Variants in WNK2 observed in about 807,000 individuals in gnomAD.
WNK2 encodes the protein WNK lysine deficient protein kinase 2.
WNK2 carries 67 observed loss-of-function variants against 192.1 expected under a neutral mutation model. That is an observed-to-expected ratio of 0.35 (90% CI 0.29 to 0.43). The LOEUF is 0.43. Among genes scored for constraint, WNK2 ranks in the 20% least tolerant of loss-of-function variants. The pLI is 1.00. For missense variants in WNK2, 2,698 were observed against 3,089.7 expected (o/e 0.87, Z 3.01); for synonymous variants, 1,439 against 1,393.9 (o/e 1.03, Z -0.72).
intron 24 of WNK2, 72 bp downstream of exon 24, chr9:93,298,139 C>T (rs904923308): frequency 3.3e-5 from 49 of 1,499,934 alleles, no homozygotes; most frequent in South Asian, 1.3e-4. Context: ...GAGGTAGGCT[C>T]CGTGCAGGTG....
intron 8 of WNK2, among the ~76,000 whole-genome samples, chr9:93,250,201 C>T (rs541379073): frequency 6.6e-6 from 1 of 152,226 alleles, no homozygotes; most frequent in Non-Finnish European, 1.5e-5. Flanking sequence ...GGCACATCTA[C>T]ACATGCACAT....
In WNK2 at chr9:93,288,791, C is replaced by G; in HGVS notation, c.4037C>G (p.Ser1346Ter). Residue 1346 changes from serine (S) to a stop codon, truncating the protein, a stop_gained, in exon 20 of 30, where the codon TCA becomes TGA. Transcript: ENST00000427277. LOFTEE classifies it high-confidence loss of function. ...SSLPPEASQDSAPYKDQLSSK... is the reference protein window; with the variant it reads ...SSLPPEASQD ...GCATTTTCCCCATTTCTTCTAGATT[C>G]AGCGCCCTATAAAGACCAGCTGTCC... The G allele has an allele frequency of 6.2e-7, 1 of 1,609,220 alleles. No individual in the cohort carries two copies. The highest frequency in any genetic ancestry group is 8.5e-7 in the Non-Finnish European group (1 of 1,178,304).
intron 19 of WNK2, among the ~76,000 whole-genome samples, chr9:93,276,767 G>A (rs748982603): frequency 2.6e-5 from 4 of 152,214 alleles, no homozygotes; most frequent in Non-Finnish European, 5.9e-5. Context: ...GCTGAGTGCA[G>A]TGGCTCACAC....
intron 16 of WNK2, chr9:93,267,179 G>A (rs1307539153): frequency 6.5e-6 from 1 of 153,134 alleles, no homozygotes; most frequent in Non-Finnish European, 1.5e-5. Flanking sequence ...GCTTGCCTGT[G>A]TGCCCGGGCC....
At chr9:93,318,897 T>C in intron 29 of WNK2, 1 of 1,401,452 alleles carries the variant, frequency 7.1e-7, no homozygotes, top group Non-Finnish European at 9.2e-7. Flanking sequence ...TGCCCAGCTG[T>C]GAATTGTATA....
Position 93,292,604 on chromosome 9 carries a change from C to T in WNK2, c.5139C>T (p.Gly1713=). The change falls in exon 23 of 30, where the codon GGC becomes GGT. Residue 1713 remains glycine, a synonymous_variant. Transcript: ENST00000427277. The part of the protein sequence containing the change: ...PPPSDMGTVG[G]QASHPQTLGA... ...CGAGTGACATGGGCACAGTGGGGGG[C>T]CAGGCTAGCCACCCCCAGACACTCG... is the stretch of plus-strand genomic sequence containing the variant. The T allele has an allele frequency of 6.3e-7, 1 of 1,578,236 alleles. No homozygotes were observed. Among genetic ancestry groups the T allele is most frequent in the South Asian group, 1.2e-5 (1 of 86,892 alleles).
chr9:93,279,122 G>A (rs1292441187), intron 19 of WNK2, among the ~76,000 whole-genome samples: 1 of 152,104 alleles, frequency 6.6e-6, no homozygotes, highest in African/African-American at 2.4e-5. Context: ...GGAGCTTCTG[G>A]GCAGTTCATA....
At chr9:93,317,157 G>C in intron 28 of WNK2, 2 of 375,118 alleles carry the variant, frequency 5.3e-6, no homozygotes, top group Non-Finnish European at 9.9e-6. Flanking sequence ...TCCTGTGAGG[G>C]CACTGACCAG....
Position 93,185,625 on chromosome 9 carries a change from G to A in WNK2, c.681+15G>A. ...GTGAGCTGCAGGTGAGGGTGCCCCA[G>A]CCCGCAGGGGGCTTTCCGCAGGGTC... On this transcript the variant is annotated intron_variant, in intron 2 of 29. Coordinates refer to ENST00000427277, the MANE Select transcript of WNK2 (RefSeq NM_006648.4). The A allele has an allele frequency of 6.2e-7, 1 of 1,601,612 alleles. No homozygotes were observed. The highest frequency in any genetic ancestry group is 8.5e-7 in the Non-Finnish European group (1 of 1,174,360).
rs1346437228 is a variant in WNK2, at chr9:93,231,032, A to G, written c.999A>G (p.Gly333=). 2 of 1,613,728 alleles carry G rather than the reference A, an allele frequency of 1.2e-6. No homozygotes were observed. The highest frequency in any genetic ancestry group is 1.7e-6 in the Non-Finnish European group (2 of 1,179,844). The change falls in exon 4 of 30, where the codon GGA becomes GGG. Residue 333 remains glycine, a synonymous_variant. Coordinates refer to ENST00000427277, the MANE Select transcript of WNK2 (RefSeq NM_006648.4). ...AATGTGACAATATTTTCATCACCGG[A>G]CCAACTGGGTCTGTGAAGATTGGCG... ...DLKCDNIFIT[G]PTGSVKIGDL...
At chr9:93,211,679 TTCAC>T (rs1042177385) in intron 2 of WNK2, among the ~76,000 whole-genome samples, 107 of 150,380 alleles carry the variant, frequency 7.1e-4, no homozygotes, top group African/African-American at 2.5e-3. Context: ...TTCACTCCTA[TTCAC>T]TCACTCACTC....
rs1175769125 is a variant in WNK2, at chr9:93,267,834, G to C, written c.3785G>C (p.Ser1262Thr). ...DVMDKAEDML[S>T]EDTDADRGSD... ...ATGGACAAGGCAGAGGACATGCTCA[G>C]CGAGGACACAGACGCCGACCGTGGC... Residue 1262 changes from serine to threonine, a missense_variant, in exon 17 of 30, where the codon AGC becomes ACC. Ser to Thr is a moderately conservative substitution (Grantham distance 58, BLOSUM62 1). Around this residue, in one of 7 missense-constraint regions of WNK2, gnomAD observed 1,098 missense variants for 1,101.0 expected, o/e 1.00. Transcript: ENST00000427277. The C allele has an allele frequency of 1.9e-6, 3 of 1,612,704 alleles. No homozygotes were observed. The Admixed American group carries it at 5.0e-5, about 27-fold the overall frequency.
chr9:93,295,871 C>A (rs1850227431), intron 23 of WNK2, among the ~76,000 whole-genome samples: 1 of 149,178 alleles, frequency 6.7e-6, no homozygotes, highest in Non-Finnish European at 1.5e-5. Flanking sequence ...CCTCACCTTC[C>A]TCCCCTCTCC....
intron 28 of WNK2, among the ~76,000 whole-genome samples, chr9:93,314,217 G>A (rs909915072): frequency 1.3e-5 from 2 of 152,224 alleles, no homozygotes; most frequent in African/African-American, 4.8e-5. Context: ...GGGAGGCAGA[G>A]GTTGCAGTGA....
chr9:93,190,886 AC>A (rs1352772766), intron 2 of WNK2, among the ~76,000 whole-genome samples: 1 of 152,174 alleles, frequency 6.6e-6, no homozygotes, highest in East Asian at 1.9e-4. Flanking sequence ...GACCCAGGTG[AC>A]CTAGAGGTGG....
At chr9:93,271,304 TA>T (rs1319070776) in intron 19 of WNK2, among the ~76,000 whole-genome samples, 1 of 152,232 alleles carries the variant, frequency 6.6e-6, no homozygotes, top group Non-Finnish European at 1.5e-5. Flanking sequence ...TCATAAGGTT[TA>T]AACAAGTCTC....
chr9:93,296,494 C>T (rs1245192599), intron 23 of WNK2, among the ~76,000 whole-genome samples: 2 of 48,006 alleles, frequency 4.2e-5, no homozygotes, highest in South Asian at 9.4e-4. Context: ...TCCCTCCTCC[C>T]CCTCCATCCT....
At position 93,185,185 on chromosome 9, in the gene WNK2, G is replaced by A; in HGVS notation, c.256G>A (p.Ala86Thr). 2.5e-6 allele frequency: 3 copies of A among 1,188,256 alleles called. No homozygotes were observed. Among genetic ancestry groups the A allele is most frequent in the Non-Finnish European group, 3.1e-6 (3 of 958,364 alleles). 73.6% of individuals were successfully genotyped at this position (1,188,256 alleles called of 1,614,324 possible). Residue 86 changes from alanine (A) to threonine (T), a missense_variant, in exon 2 of 30, where the codon GCG (alanine) becomes ACG (threonine). This residue lies in a region of WNK2 where 260 missense variants were observed against 285.6 expected (regional missense o/e 0.91). Transcript: ENST00000427277. ...LLLCKTRRLI[A>T]ERARGRPAAP... ...GCTCTGCAAGACGCGCCGCCTCATC[G>A]CGGAGCGCGCCCGCGGACGCCCCGC...
In WNK2 at chr9:93,247,720, C is replaced by A. The variant is rs951353462; in HGVS notation, c.1720C>A (p.Gln574Lys). ...ARGPPVPLQV[Q>K]VTYHAQAGQP... ...GGGTCCGCCGGTGCCCCTGCAGGTCCAGGTGACCTACCATGCACAGGCTGG... is the reference window on the plus strand; with the variant it reads ...GGGTCCGCCGGTGCCCCTGCAGGTCAAGGTGACCTACCATGCACAGGCTGG... Residue 574 changes from glutamine (Q) to lysine (K), a missense_variant, in exon 8 of 30, where the codon CAG becomes AAG. Physicochemically the swap from Gln to Lys is moderately conservative, Grantham distance 53. Coordinates refer to ENST00000427277, the MANE Select transcript of WNK2 (RefSeq NM_006648.4). This position sits in a 1 kb window ranked among gnomAD's most constrained non-coding sequence, Gnocchi z 5.2. 5.8e-6 allele frequency: 9 copies of A among 1,559,508 alleles called. No homozygotes were observed. The highest frequency in any genetic ancestry group is 5.7e-5 in the Admixed American group (3 of 52,272).
Sources: gnomAD v4.1 joint callset for allele counts (sites outside exome capture counted in the v4.1 genomes callset) on GRCh38, gnomAD v4.1.1 for gene constraint, gnomAD v4.1.1 regional missense constraint, Gnocchi (gnomAD v3.1) non-coding constraint, MANE v1.5 for transcripts, NCBI Gene and HGNC (gene_info 2026-07-23, HGNC 2026-07-21) for gene names.